Variants in AMMECR1 observed in about 807,000 individuals in gnomAD.
AMMECR1 encodes the protein nuclear protein AMMECR1.
A neutral mutation model predicts 22.5 loss-of-function variants in AMMECR1; 3 were observed. The observed-to-expected ratio is 0.13, with a 90% CI of 0.06 to 0.35. The LOEUF is 0.35. Ranked by LOEUF, AMMECR1 falls within the 10% of genes least tolerant of loss-of-function variation. The probability of loss-of-function intolerance (pLI) is 1.00; values close to 1 mark genes in which losing one functional copy is unlikely to be tolerated. For missense variants in AMMECR1, 235 were observed against 278.7 expected (o/e 0.84, Z 1.12); for synonymous variants, 130 against 116.7 (o/e 1.11, Z -0.74).
At chrX:110,301,410 T>G (rs2067966425) in intron 1 of AMMECR1, among the ~76,000 whole-genome samples, 1 of 112,597 alleles carries the variant, frequency 8.9e-6, no homozygotes, top group Non-Finnish European at 1.9e-5. Flanking sequence ...GATACAGTGC[T>G]AAACAATTGC....
intron 2 of AMMECR1, among the ~76,000 whole-genome samples, chrX:110,221,672 A>G (rs2067500747): frequency 9.0e-6 from 1 of 111,349 alleles, no homozygotes; most frequent in South Asian, 3.8e-4. Context: ...TATGCTTAAT[A>G]TGATATGATG....
At position 110,195,141 on chromosome X, in the gene AMMECR1, A is replaced by T. The variant is rs1428725116; in HGVS notation, c.*3379T>A. 8.9e-6 allele frequency: 1 copy of T among 112,357 alleles called. No homozygotes were observed. Among genetic ancestry groups the T allele is most frequent in the Non-Finnish European group, 1.9e-5 (1 of 53,265 alleles). The allele number at this position is 112,357 out of a possible 1,213,427, so 9.3% of individuals were successfully genotyped here. A position where few individuals can be genotyped will look rare whatever the true frequency, so the allele number is the denominator to read the frequency against. The stretch of plus-strand genomic sequence containing the variant: ...GGAACCTATTCCAGATGACAGTTTC[A>T]AATTTCCTGCACATTTGAAGACAAG... On this transcript the variant is annotated 3_prime_UTR_variant, in exon 6 of 6. Coordinates refer to ENST00000262844, the MANE Select transcript of AMMECR1 (RefSeq NM_015365.3).
chrX:110,279,372 A>G, intron 1 of AMMECR1, among the ~76,000 whole-genome samples: 1 of 112,673 alleles, frequency 8.9e-6, no homozygotes, highest in East Asian at 2.7e-4. Flanking sequence ...TTCTATAGGA[A>G]CACATTTGTG....
At chrX:110,333,914 G>A (rs1032265961) in intron 2 of AMMECR1, among the ~76,000 whole-genome samples, 4 of 110,358 alleles carry the variant, frequency 3.6e-5, no homozygotes, top group Admixed American at 9.7e-5. Context: ...ACCATGGCAC[G>A]TGTCTACCTG....
intron 1 of AMMECR1, among the ~76,000 whole-genome samples, chrX:110,311,493 A>G: frequency 9.0e-6 from 1 of 111,616 alleles, no homozygotes; most frequent in Non-Finnish European, 1.9e-5. Flanking sequence ...AGGATAATGT[A>G]TATTTTTTAC....
intron 1 of AMMECR1, among the ~76,000 whole-genome samples, chrX:110,297,044 C>T (rs111226853): frequency 0.028 from 3,159 of 111,558 alleles, 111 homozygotes; most frequent in African/African-American, 0.098. Context: ...GTGACTTTCC[C>T]GGACTAGTTC....
At chrX:110,246,661 C>T (rs901945441) in intron 2 of AMMECR1, among the ~76,000 whole-genome samples, 1 of 112,076 alleles carries the variant, frequency 8.9e-6, no homozygotes, top group Non-Finnish European at 1.9e-5. Flanking sequence ...ATGTAAGAAA[C>T]TACATTGGAA....
At chrX:110,285,199 A>C (rs1397662441) in intron 1 of AMMECR1, among the ~76,000 whole-genome samples, 1 of 112,322 alleles carries the variant, frequency 8.9e-6, no homozygotes, top group Non-Finnish European at 1.9e-5. Flanking sequence ...TTGCTGAATA[A>C]AAAATAATTA....
At chrX:110,230,490 CA>C (rs1256607326) in intron 2 of AMMECR1, among the ~76,000 whole-genome samples, 1 of 111,576 alleles carries the variant, frequency 9.0e-6, no homozygotes, top group Non-Finnish European at 1.9e-5. Context: ...TCAACATCAG[CA>C]AAAAGGTCAT....
chrX:110,384,885 C>T (rs1043317153), intron 2 of AMMECR1, among the ~76,000 whole-genome samples: 1 of 110,971 alleles, frequency 9.0e-6, no homozygotes, highest in East Asian at 2.8e-4. Context: ...TGAATTCACT[C>T]CTCTTTCTTA....
chrX:110,320,846 GTTA>G (rs1420037380), upstream of AMMECR1, among the ~76,000 whole-genome samples: 3 of 112,224 alleles, frequency 2.7e-5, no homozygotes, highest in African/African-American at 9.7e-5. Flanking sequence ...ACCGCTAGGG[GTTA>G]TTATCTAAGT....
At chrX:110,217,046 A>AT (rs754567569) in intron 2 of AMMECR1, among the ~76,000 whole-genome samples, 3 of 109,918 alleles carry the variant, frequency 2.7e-5, no homozygotes, top group Non-Finnish European at 5.7e-5. Flanking sequence ...ATGTGTGTGT[A>AT]TATGTGTGTG....
rs146775905 is a variant in AMMECR1, at chrX:110,198,380, C to T, written c.*140G>A. The T allele has an allele frequency of 3.4e-5, 11 of 321,093 alleles. No individual in the cohort carries two copies. In the East Asian group the frequency reaches 4.2e-4, roughly 12 times the overall value. 26.5% of individuals were successfully genotyped at this position (321,093 alleles called of 1,213,427 possible). On this transcript the variant is annotated 3_prime_UTR_variant, in exon 6 of 6. Transcript: ENST00000262844. The stretch of plus-strand genomic sequence containing the variant: ...CCGTTACCATGATGATCTTAGTTGA[C>T]GATGTCGAAGCTTCACCATGGCAAC...
chrX:110,409,854 ATTGAAC>A (rs1397096964), intron 2 of AMMECR1, among the ~76,000 whole-genome samples: 1 of 111,274 alleles, frequency 9.0e-6, no homozygotes, highest in Non-Finnish European at 1.9e-5. Flanking sequence ...AGAGGGAGGT[ATTGAAC>A]CACCTGTTGT....
In AMMECR1 at chrX:110,360,502, G is replaced by A. The variant is rs139876390; in HGVS notation, c.-147-42653C>T. On this transcript the variant is annotated intron_variant, in intron 2 of 7. Transcript: ENST00000372057. Reference sequence around the variant, plus strand: ...ATTGATAGTAATAGAGACAGAGAATGGTGGACAGAATTGAGTTATATTTTG... The same window carrying A: ...ATTGATAGTAATAGAGACAGAGAATAGTGGACAGAATTGAGTTATATTTTG... 5.3e-3 allele frequency among the ~76,000 whole-genome samples: 586 copies of A among 111,529 alleles called. 4 individuals carry two copies. The highest frequency in any genetic ancestry group is 0.017 in the African/African-American group (521 of 30,736).
chrX:110,400,824 T>A (rs1328335045), intron 2 of AMMECR1, among the ~76,000 whole-genome samples: 1 of 111,762 alleles, frequency 8.9e-6, no homozygotes, highest in Non-Finnish European at 1.9e-5. Context: ...ATTTTATTTA[T>A]GTCTGAGTCT....
rs190432553 is a variant in AMMECR1, at chrX:110,360,980, A to T, written c.-147-43131T>A. Among the ~76,000 whole-genome samples the T allele has an allele frequency of 3.3e-3, 364 of 111,410 alleles. 2 individuals are homozygous for T. Among genetic ancestry groups the T allele is most frequent in the Non-Finnish European group, 3.7e-3 (198 of 53,014 alleles). On this transcript the variant is annotated intron_variant, in intron 2 of 7. Coordinates refer to the AMMECR1 transcript ENST00000372057. ...TGCTCCGATCTTCGTGGCTTAATATACTATCTATTTGCTGATGAGTCACAA... is the reference window on the plus strand; with the variant it reads ...TGCTCCGATCTTCGTGGCTTAATATTCTATCTATTTGCTGATGAGTCACAA...
chrX:110,379,860 G>A (rs2068406352), intron 2 of AMMECR1, among the ~76,000 whole-genome samples: 1 of 112,008 alleles, frequency 8.9e-6, no homozygotes, highest in South Asian at 3.7e-4. Flanking sequence ...AACTTATTGA[G>A]CATCTACCAT....
chrX:110,370,571 C>G (rs577296624), intron 2 of AMMECR1, among the ~76,000 whole-genome samples: 1 of 112,507 alleles, frequency 8.9e-6, no homozygotes, highest in South Asian at 3.7e-4. Flanking sequence ...TCTAAGTCAT[C>G]CCTTTTCTAA....
Sources: allele counts gnomAD v4.1 joint callset (sites outside exome capture counted in the v4.1 genomes callset), GRCh38; gene constraint gnomAD v4.1.1; transcripts MANE v1.5; gene names NCBI Gene and HGNC (gene_info 2026-07-23, HGNC 2026-07-21).